The following CYP3A43 variants were observed in gnomAD, a reference collection of about 807,000 sequenced individuals.
CYP3A43 encodes cytochrome P450 family 3 subfamily A member 43.
In CYP3A43, 45 loss-of-function variants were observed where a neutral mutation model predicts 58.0. The observed-to-expected ratio is 0.78, with a 90% CI of 0.61 to 0.99. The LOEUF (loss-of-function observed/expected upper bound fraction) is 0.99, where lower values mean the gene tolerates loss of function less well. Among genes scored for constraint, CYP3A43 ranks in the 50% least tolerant of loss-of-function variants. The pLI is 0.00. For missense variants in CYP3A43, 593 were observed against 591.9 expected, an observed-to-expected ratio of 1.00 and a Z score of -0.02; for synonymous variants, 191 against 201.4, an observed-to-expected ratio of 0.95 and a Z score of 0.44.
intron 4 of CYP3A43, 61 bp downstream of exon 4, chr7:99,844,303 T>G: frequency 2.0e-6 from 3 of 1,521,294 alleles, no homozygotes. Flanking sequence ...TATATATTCA[T>G]GGAAACTTGC....
intron 2 of CYP3A43, chr7:99,838,599 C>A: frequency 1.7e-6 from 2 of 1,147,434 alleles, no homozygotes; most frequent in South Asian, 1.4e-5. Context: ...AATATCTACA[C>A]TAGTTAGAGA....
chr7:99,845,947 G>A (rs1817529293), intron 4 of CYP3A43, among the ~76,000 whole-genome samples: 1 of 150,664 alleles, frequency 6.6e-6, no homozygotes, highest in Admixed American at 6.6e-5. Context: ...AGCTAATCTG[G>A]GGTATTTTTA....
At position 99,828,053 on chromosome 7, in the gene CYP3A43, G is replaced by C; in HGVS notation, c.-63G>C. 1 of 1,421,032 alleles carries C rather than the reference G, an allele frequency of 7.0e-7. No homozygotes were observed. Among genetic ancestry groups the C allele is most frequent in the Non-Finnish European group, 9.9e-7 (1 of 1,012,596 alleles). 88.0% of individuals were successfully genotyped at this position (1,421,032 alleles called of 1,614,324 possible). ...AACAAAGCTCTATATGCACAGCCCA[G>C]CAAAGAGCAGCACACAGCTGAAAGA... On this transcript the variant is annotated 5_prime_UTR_variant, in exon 1 of 13. Coordinates refer to ENST00000354829, the MANE Select transcript of CYP3A43 (RefSeq NM_057095.3).
chr7:99,855,422 TGG>T, intron 7 of CYP3A43, 167 bp from the exon 8 acceptor site: 3 of 813,616 alleles, frequency 3.7e-6, no homozygotes, highest in South Asian at 4.0e-5. Context: ...GCCATTGGCA[TGG>T]AAGAGGGGCA....
chr7:99,864,287 T>C (rs988877473), intron 12 of CYP3A43, among the ~76,000 whole-genome samples: 1 of 148,984 alleles, frequency 6.7e-6, no homozygotes, highest in South Asian at 2.1e-4. Flanking sequence ...TTCTGCCAGA[T>C]AGAAAAGATA....
In CYP3A43 at chr7:99,861,685, T is replaced by A. The variant is rs747645572; in HGVS notation, c.1099T>A (p.Phe367Ile). 6.8e-6 allele frequency: 11 copies of A among 1,614,060 alleles called. No individual in the cohort carries two copies. In the South Asian group the frequency reaches 1.2e-4, roughly 18 times the overall value. Residue 367 changes from phenylalanine (F) to isoleucine (I), a missense_variant, in exon 11 of 13, where the codon TTC becomes ATC. By Grantham distance (21) the Phe-to-Ile change is conservative (BLOSUM62 0). Coordinates refer to ENST00000354829, the MANE Select transcript of CYP3A43 (RefSeq NM_057095.3). ...GGTGGTGAATGAAACGCTCAGATTA[T>A]TCCCAGTTGTTAGTAGAGTTACGAG... ...DMVVNETLRL[F>I]PVVSRVTRVC...
chr7:99,830,447 G>A (rs1448804496), intron 1 of CYP3A43, among the ~76,000 whole-genome samples: 2 of 152,126 alleles, frequency 1.3e-5, no homozygotes, highest in African/African-American at 4.8e-5. Context: ...GAACCCTGGA[G>A]GCAGAGGTTG....
At chr7:99,863,204 T>A (rs1318972234) in intron 11 of CYP3A43, among the ~76,000 whole-genome samples, 1 of 152,222 alleles carries the variant, frequency 6.6e-6, no homozygotes, top group Non-Finnish European at 1.5e-5. Flanking sequence ...TACAATGTTA[T>A]CTTGAAGAAA....
chr7:99,859,829 GCT>G lies in CYP3A43; in HGVS notation c.868_869del (p.Leu290ValfsTer2). On this transcript the variant is annotated frameshift_variant and splice_region_variant, in exon 10 of 13. Transcript: ENST00000354829. LOFTEE classifies it high-confidence loss of function. ...QNSKETKSHK[A>X]LSDLELVAQS... is the part of the protein sequence containing the mutation. Reference sequence around the variant, plus strand: ...CTAAAATATATTTCCTCTCCTTTCAGCTCTGTCTGATCTGGAGCTTGTGGCCC... The same window carrying G: ...CTAAAATATATTTCCTCTCCTTTCAGCTGTCTGATCTGGAGCTTGTGGCCC... 1 of 1,614,020 alleles carries G rather than the reference GCT, an allele frequency of 6.2e-7. No individual in the cohort carries two copies.
chr7:99,844,048 T>G (rs1044139687), intron 3 of CYP3A43, 95 bp from the exon 4 acceptor site: 1 of 941,546 alleles, frequency 1.1e-6, no homozygotes, highest in South Asian at 1.6e-5. Context: ...GTATGGATGA[T>G]GGAATGTCAG....
intron 3 of CYP3A43, among the ~76,000 whole-genome samples, chr7:99,842,841 G>A (rs149968678): frequency 1.5e-4 from 23 of 152,288 alleles, no homozygotes; most frequent in African/African-American, 5.3e-4. Flanking sequence ...TCACAAGGAC[G>A]TTCCTTATGA....
chr7:99,855,571 TC>T lies in CYP3A43; in HGVS notation c.671-19del, dbSNP rs763038483. 1 of 1,576,004 alleles carries T rather than the reference TC, an allele frequency of 6.3e-7. No individual in the cohort carries two copies. Among genetic ancestry groups the T allele is most frequent in the African/African-American group, 1.4e-5 (1 of 72,606 alleles). On this transcript the variant is annotated intron_variant, in intron 7 of 12. Transcript: ENST00000354829. ...TTCACTATGATTTATTTTTTCTTTT[TC>T]TATTTAATTTTCCTATAGCACTCTT...
At position 99,844,186 on chromosome 7, in the gene CYP3A43, G is replaced by T; in HGVS notation, c.262G>T (p.Asp88Tyr). 6.2e-7 allele frequency: 1 copy of T among 1,613,866 alleles called. No individual in the cohort carries two copies. The highest frequency in any genetic ancestry group is 1.1e-5 in the South Asian group (1 of 90,962). ...GCCCATGCTGGTCATCATGGATCCC[G>T]ACATGATCAAAACAGTGTTAGTGAA... ...QQPMLVIMDP[D>Y]MIKTVLVKEC... The change falls in exon 4 of 13, where the codon GAC becomes TAC. Residue 88 changes from aspartate (D) to tyrosine (Y), a missense_variant. Physicochemically the swap from Asp to Tyr is radical, Grantham distance 160. Coordinates refer to ENST00000354829, the MANE Select transcript of CYP3A43 (RefSeq NM_057095.3).
At chr7:99,843,055 CAT>C (rs111734632) in intron 3 of CYP3A43, among the ~76,000 whole-genome samples, 2 of 152,198 alleles carry the variant, frequency 1.3e-5, no homozygotes, top group African/African-American at 2.4e-5. Context: ...TCTCTCTTTT[CAT>C]ATGTTTGCAT....
Position 99,863,685 on chromosome 7 carries a change from T to C in CYP3A43, c.1402T>C (p.Cys468Arg). The C allele has an allele frequency of 6.2e-7, 1 of 1,602,890 alleles. No homozygotes were observed. The highest frequency in any genetic ancestry group is 8.5e-7 in the Non-Finnish European group (1 of 1,175,276). ...ACTGCAGAACTTCTCCTTCAAACCT[T>C]GTAAAGAGACTCAGGTCAGTAAACT... ...RALQNFSFKPCKETQIPLKLD... is the reference protein window; with the variant it reads ...RALQNFSFKPRKETQIPLKLD... Residue 468 changes from cysteine (C) to arginine (R), a missense_variant, in exon 12 of 13, where the codon TGT becomes CGT. Physicochemically the swap from Cys to Arg is radical, Grantham distance 180 (BLOSUM62 -3). Coordinates refer to ENST00000354829, the MANE Select transcript of CYP3A43 (RefSeq NM_057095.3).
chr7:99,841,467 G>A (rs1817329893), intron 3 of CYP3A43, among the ~76,000 whole-genome samples: 1 of 151,994 alleles, frequency 6.6e-6, no homozygotes, highest in African/African-American at 2.4e-5. Flanking sequence ...GGGTGATCTC[G>A]GCTTACTAAA....
At chr7:99,851,892 A>ATT (rs1817776818) in intron 7 of CYP3A43, among the ~76,000 whole-genome samples, 1 of 152,178 alleles carries the variant, frequency 6.6e-6, no homozygotes, top group Non-Finnish European at 1.5e-5. Context: ...TGAGCTCATG[A>ATT]AGATTTGCCC....
chr7:99,849,954 C>CCTTTTTT (rs1563066910), intron 7 of CYP3A43: 4 of 464,998 alleles, frequency 8.6e-6, no homozygotes, highest in African/African-American at 4.1e-5. Flanking sequence ...TCTTCCTCAC[C>CCTTTTTT]ATTTTTTTTT....
chr7:99,829,331 G>C (rs1043132354), intron 1 of CYP3A43, among the ~76,000 whole-genome samples: 5 of 152,182 alleles, frequency 3.3e-5, no homozygotes, highest in African/African-American at 1.2e-4. Context: ...AGTGACCATG[G>C]CCCATGACAC....
Sources: gnomAD v4.1 joint callset for allele counts (sites outside exome capture counted in the v4.1 genomes callset) on GRCh38, gnomAD v4.1.1 for gene constraint, MANE v1.5 for transcripts, NCBI Gene and HGNC (gene_info 2026-07-23, HGNC 2026-07-21) for gene names.